The following ZNF624 variants were observed in gnomAD, a reference collection of about 807,000 sequenced individuals.
ZNF624 encodes zinc finger protein 624.
ZNF624 carries 43 observed loss-of-function variants against 74.7 expected under a neutral mutation model. That is an observed-to-expected ratio of 0.58 (90% CI 0.45 to 0.74). The LOEUF (loss-of-function observed/expected upper bound fraction) is 0.74. ZNF624 is among the 30% of genes least tolerant of loss of function. The pLI, the probability that ZNF624 is intolerant of heterozygous loss-of-function variation, is 0.00. For missense variants in ZNF624, 820 were observed against 1,030.0 expected, an observed-to-expected ratio of 0.80 and a Z score of 2.79; for synonymous variants, 331 against 341.3, an observed-to-expected ratio of 0.97 and a Z score of 0.33.
chr17:16,617,291 A>T, downstream of ZNF624: 2 of 1,613,670 alleles, frequency 1.2e-6, no homozygotes, highest in Admixed American at 3.3e-5. Context: ...CTAGATCGAG[A>T]CCTGGATCTG....
chr17:16,626,990 G>T lies in ZNF624; in HGVS notation c.377-2481C>A, dbSNP rs550844171. ...GAATTGCTTGAACCCAGGAGGCGGA[G>T]GTTGCAGTGAGCCGAGATCACGCCA... On this transcript the variant is annotated intron_variant, in intron 5 of 5. Transcript: ENST00000311331. 3.3e-5 allele frequency among the ~76,000 whole-genome samples: 5 copies of T among 152,222 alleles called. No individual in the cohort carries two copies. The South Asian group carries it at 8.3e-4, about 25-fold the overall frequency.
chr17:16,623,814 T>G lies in ZNF624; in HGVS notation c.1072A>C (p.Lys358Gln). The G allele has an allele frequency of 6.2e-7, 1 of 1,614,050 alleles. No individual in the cohort carries two copies. Among genetic ancestry groups the G allele is most frequent in the Non-Finnish European group, 8.5e-7 (1 of 1,180,016 alleles). The change falls in exon 6 of 6, where the codon AAA (lysine) becomes CAA (glutamine). Residue 358 changes from lysine to glutamine, a missense_variant. Transcript: ENST00000311331. The surrounding 1 kb of genome is among the most constrained non-coding windows in gnomAD (Gnocchi z 5.3). ...MVHQRIHTKE[K>Q]PYQCNVCGKS... is the part of the protein sequence containing the mutation. ...CCACACACATTACACTGATAAGGTTTCTCTTTAGTGTGAATTCTCTGATGT... is the reference window on the plus strand; with the variant it reads ...CCACACACATTACACTGATAAGGTTGCTCTTTAGTGTGAATTCTCTGATGT...
the ZNF624 span, among the ~76,000 whole-genome samples, chr17:16,615,343 C>A: frequency 6.6e-6 from 1 of 152,072 alleles, no homozygotes; most frequent in South Asian, 2.1e-4. Flanking sequence ...GTGGTCTGCC[C>A]GCCTCGGCCT....
chr17:16,626,305 T>C (rs1488967464), intron 5 of ZNF624, among the ~76,000 whole-genome samples: 1 of 152,212 alleles, frequency 6.6e-6, no homozygotes, highest in African/African-American at 2.4e-5. Flanking sequence ...TATGTTATTT[T>C]ACTTTTATAA....
chr17:16,614,801 T>C, the ZNF624 span, among the ~76,000 whole-genome samples: 1 of 152,168 alleles, frequency 6.6e-6, no homozygotes, highest in Admixed American at 6.5e-5. Flanking sequence ...TACAAAATTT[T>C]GACAAATTTA....
intron 3 of ZNF624, among the ~76,000 whole-genome samples, chr17:16,638,592 C>T (rs1019404164): frequency 1.3e-5 from 2 of 152,166 alleles, no homozygotes; most frequent in Admixed American, 1.3e-4. Flanking sequence ...AACCATCATT[C>T]TCAGCAAACT....
downstream of ZNF624, chr17:16,617,936 A>G (rs1467666876): frequency 6.0e-6 from 7 of 1,165,988 alleles, no homozygotes; most frequent in African/African-American, 3.0e-5. Flanking sequence ...ACCGCAAGCC[A>G]GTAGCCGCGG....
chr17:16,616,550 AAAAC>A (rs576047398), downstream of ZNF624, among the ~76,000 whole-genome samples: 33 of 152,010 alleles, frequency 2.2e-4, no homozygotes, highest in East Asian at 3.9e-4. Flanking sequence ...TGAAATACTT[AAAAC>A]AAACAAACAA....
At position 16,623,509 on chromosome 17, in the gene ZNF624, A is replaced by G; in HGVS notation, c.1377T>C (p.Phe459=). ...CAGTATGAATCCTCTGATGCACATT[A>G]AAAATTGTGGTATTCTTAAAAGACT... ...CGKSFKNTTI[F]NVHQRIHTGE... is the part of the protein sequence containing the mutation. The change falls in exon 6 of 6, where the codon TTT becomes TTC. Residue 459 remains phenylalanine (F), a synonymous_variant. Transcript: ENST00000311331. This position sits in a 1 kb window ranked among gnomAD's most constrained non-coding sequence, Gnocchi z 5.3. 6.2e-7 allele frequency: 1 copy of G among 1,610,288 alleles called. No individual in the cohort carries two copies. Among genetic ancestry groups the G allele is most frequent in the Non-Finnish European group, 8.5e-7 (1 of 1,178,876 alleles).
intron 1 of ZNF624, among the ~76,000 whole-genome samples, chr17:16,652,149 T>G (rs1451696791): frequency 1.3e-5 from 2 of 152,018 alleles, no homozygotes; most frequent in Non-Finnish European, 2.9e-5. Context: ...AAATCTTAAT[T>G]TTTGGGGGGG....
intron 5 of ZNF624, among the ~76,000 whole-genome samples, chr17:16,632,984 ACTT>A (rs1909241036): frequency 6.6e-6 from 1 of 152,080 alleles, no homozygotes; most frequent in Non-Finnish European, 1.5e-5. Flanking sequence ...AGCCTGGAAT[ACTT>A]CTCTTTTCCT....
At chr17:16,651,935 TATA>T (rs897756259) in intron 1 of ZNF624, among the ~76,000 whole-genome samples, 2 of 152,234 alleles carry the variant, frequency 1.3e-5, no homozygotes, top group South Asian at 2.1e-4. Context: ...ATGTTAATTA[TATA>T]ATGTTAAATT....
chr17:16,638,445 C>T (rs1013613206), intron 3 of ZNF624, among the ~76,000 whole-genome samples: 1 of 151,758 alleles, frequency 6.6e-6, no homozygotes, highest in African/African-American at 2.4e-5. Flanking sequence ...CTCACAATAG[C>T]AGACTTGGAA....
At chr17:16,634,489 A>T (rs1201499736) in intron 4 of ZNF624, 141 bp downstream of exon 4, 11 of 810,278 alleles carry the variant, frequency 1.4e-5, no homozygotes, top group African/African-American at 5.1e-5. Flanking sequence ...CAGATCATGT[A>T]GTTAAGAGTG....
At chr17:16,630,576 C>T (rs1909182776) in intron 5 of ZNF624, among the ~76,000 whole-genome samples, 1 of 151,824 alleles carries the variant, frequency 6.6e-6, no homozygotes, top group Non-Finnish European at 1.5e-5. Flanking sequence ...AAAAAATTAA[C>T]AATATACTAC....
At chr17:16,633,982 T>C (rs777997668) in intron 4 of ZNF624, 25 bp from the exon 5 acceptor site, 3 of 1,593,554 alleles carry the variant, frequency 1.9e-6, no homozygotes, top group Non-Finnish European at 1.7e-6. Context: ...ATAAATAGGA[T>C]TTGATTGGAG....
downstream of ZNF624, chr17:16,617,246 G>A: frequency 3.1e-6 from 5 of 1,612,846 alleles, no homozygotes; most frequent in Non-Finnish European, 8.5e-7. Flanking sequence ...GATCTACTGC[G>A]GCTGCTCCTG....
chr17:16,631,220 G>C (rs751288250), intron 5 of ZNF624: 6 of 152,072 alleles, frequency 3.9e-5, no homozygotes, highest in Non-Finnish European at 7.4e-5. Flanking sequence ...CAAAAATTAT[G>C]AAGATGCTAC....
chr17:16,628,523 G>T (rs1486386051), intron 5 of ZNF624, among the ~76,000 whole-genome samples: 2 of 152,062 alleles, frequency 1.3e-5, no homozygotes, highest in Non-Finnish European at 2.9e-5. Flanking sequence ...CAAACTATGG[G>T]CTAAGAGCAC....
Sources: allele counts gnomAD v4.1 joint callset (sites outside exome capture counted in the v4.1 genomes callset), GRCh38; gene constraint gnomAD v4.1.1; non-coding constraint Gnocchi (gnomAD v3.1); transcripts MANE v1.5; gene names NCBI Gene and HGNC (gene_info 2026-07-23, HGNC 2026-07-21).